The following LYZL4 variants were observed in gnomAD, a reference collection of about 807,000 sequenced individuals.
The protein encoded by LYZL4 is lysozyme like 4.
LYZL4 carries 13 observed loss-of-function variants against 17.6 expected under a neutral mutation model. The observed-to-expected ratio is 0.74, with a 90% CI of 0.48 to 1.18. The LOEUF (loss-of-function observed/expected upper bound fraction) is 1.18. Among genes scored for constraint, LYZL4 ranks in the 50% most tolerant of loss-of-function variants. The pLI is 0.00. For missense variants in LYZL4, 174 were observed against 188.2 expected (o/e 0.92, Z 0.44); for synonymous variants, 64 against 67.7 (o/e 0.95, Z 0.27).
At chr3:42,397,044 A>G, downstream of LYZL4, 1 of 455,994 alleles carries the variant, frequency 2.2e-6, no homozygotes, top group Non-Finnish European at 4.0e-6. Flanking sequence ...TGGTGATTAC[A>G]GAAATAATCA....
At chr3:42,399,957 T>A (rs770143000) in intron 4 of LYZL4, among the ~76,000 whole-genome samples, 33 of 151,618 alleles carry the variant, frequency 2.2e-4, no homozygotes, top group Middle Eastern at 6.3e-3. Context: ...CCACCATTAC[T>A]CTTAATGGCA....
chr3:42,371,773 G>A, the LYZL4 span, among the ~76,000 whole-genome samples: 1 of 151,902 alleles, frequency 6.6e-6, no homozygotes, highest in African/African-American at 2.4e-5. Context: ...TGAAACCCAT[G>A]CAGACAATAA....
chr3:42,387,928 T>C, the LYZL4 span, among the ~76,000 whole-genome samples: 1 of 152,128 alleles, frequency 6.6e-6, no homozygotes, highest in East Asian at 1.9e-4. Context: ...CAGAGACCTT[T>C]CCCACCTGTC....
At chr3:42,404,212 CA>C in intron 3 of LYZL4, 88 bp from the exon 4 acceptor site, 6 of 745,360 alleles carry the variant, frequency 8.0e-6, no homozygotes, top group Non-Finnish European at 1.3e-5. Context: ...GTACTCACAT[CA>C]GAGAGTCTTC....
chr3:42,406,679 C>A (rs1294624723), intron 3 of LYZL4, among the ~76,000 whole-genome samples, 167 bp downstream of exon 3: 1 of 152,106 alleles, frequency 6.6e-6, no homozygotes, highest in Non-Finnish European at 1.5e-5. Context: ...TCTCACTGTA[C>A]CCCCAGCAGT....
At chr3:42,378,520 TC>T in the LYZL4 span, among the ~76,000 whole-genome samples, 1 of 152,232 alleles carries the variant, frequency 6.6e-6, no homozygotes, top group Non-Finnish European at 1.5e-5. Flanking sequence ...TGTCCCCAAG[TC>T]TCCACCACTG....
At chr3:42,400,044 CA>C (rs992361195) in intron 4 of LYZL4, among the ~76,000 whole-genome samples, 1 of 151,600 alleles carries the variant, frequency 6.6e-6, no homozygotes. Context: ...CAAAACAAAA[CA>C]AAAAAAGCAA....
At chr3:42,378,115 G>C in the LYZL4 span, among the ~76,000 whole-genome samples, 1 of 152,180 alleles carries the variant, frequency 6.6e-6, no homozygotes, top group Non-Finnish European at 1.5e-5. Flanking sequence ...AGCAGAACTT[G>C]TGAGCCAACA....
chr3:42,384,070 G>A, the LYZL4 span, among the ~76,000 whole-genome samples: 1 of 152,166 alleles, frequency 6.6e-6, no homozygotes, highest in Admixed American at 6.5e-5. Context: ...ATTTCAAAGT[G>A]TTAGAGACAA....
intron 1 of LYZL4, among the ~76,000 whole-genome samples, chr3:42,408,143 A>C (rs1449195544): frequency 6.6e-6 from 1 of 152,170 alleles, no homozygotes; most frequent in Non-Finnish European, 1.5e-5. Context: ...CAACTCATGC[A>C]GGTGGTGTTT....
downstream of LYZL4, among the ~76,000 whole-genome samples, chr3:42,395,337 C>T (rs2125598610): frequency 6.6e-6 from 1 of 152,230 alleles, no homozygotes; most frequent in Non-Finnish European, 1.5e-5. Flanking sequence ...GAGTTATATA[C>T]ATCATAGTTT....
chr3:42,405,247 A>G (rs2125602463), intron 3 of LYZL4, among the ~76,000 whole-genome samples: 1 of 152,170 alleles, frequency 6.6e-6, no homozygotes, highest in South Asian at 2.1e-4. Context: ...ACGGGGTTTC[A>G]CCGTGTTAGC....
At chr3:42,371,690 A>T in the LYZL4 span, among the ~76,000 whole-genome samples, 1 of 152,358 alleles carries the variant, frequency 6.6e-6, no homozygotes, top group East Asian at 1.9e-4. Context: ...TGATGGGACC[A>T]CAATGGCCTA....
chr3:42,401,021 A>T (rs1403889465), intron 4 of LYZL4, among the ~76,000 whole-genome samples: 2 of 152,174 alleles, frequency 1.3e-5, no homozygotes, highest in African/African-American at 2.4e-5. Context: ...GACGTCAGAG[A>T]AAAGGGTCTG....
At chr3:42,367,180 A>G in the LYZL4 span, among the ~76,000 whole-genome samples, 1 of 152,154 alleles carries the variant, frequency 6.6e-6, no homozygotes, top group Non-Finnish European at 1.5e-5. Flanking sequence ...CACCCCACAC[A>G]CATACCCTAG....
intron 4 of LYZL4, among the ~76,000 whole-genome samples, chr3:42,400,024 G>GAAAACAAAAC (rs59352292): frequency 6.6e-5 from 10 of 151,054 alleles, no homozygotes; most frequent in South Asian, 4.2e-4. Context: ...TGAAGACACA[G>GAAAACAAAAC]AAAACAAAAC....
At chr3:42,367,880 C>G in the LYZL4 span, among the ~76,000 whole-genome samples, 5 of 152,064 alleles carry the variant, frequency 3.3e-5, no homozygotes, top group African/African-American at 9.7e-5. Flanking sequence ...CCCAACAAAG[C>G]ATAAGGAAAA....
the LYZL4 span, among the ~76,000 whole-genome samples, chr3:42,377,260 C>T: frequency 0.82 from 123,920 of 151,966 alleles, 50,979 homozygotes; most frequent in East Asian, 0.92. Flanking sequence ...CTTGACTATA[C>T]AATCTCCTTT....
At chr3:42,404,370 G>A (rs986306719) in intron 3 of LYZL4, among the ~76,000 whole-genome samples, 1 of 151,934 alleles carries the variant, frequency 6.6e-6, no homozygotes, top group African/African-American at 2.4e-5. Flanking sequence ...ATATTGATTA[G>A]GCTACAGAGA....
Sources: gnomAD v4.1 joint callset for allele counts (sites outside exome capture counted in the v4.1 genomes callset) on GRCh38, gnomAD v4.1.1 for gene constraint, MANE v1.5 for transcripts, NCBI Gene and HGNC (gene_info 2026-07-23, HGNC 2026-07-21) for gene names.